Variants in CRIM1 observed in about 807,000 individuals in gnomAD.
The protein encoded by CRIM1 is cysteine-rich motor neuron 1 protein.
Under a neutral mutation model 116.4 loss-of-function variants are expected in CRIM1, and 32 were observed. The observed-to-expected ratio is 0.27, with a 90% CI of 0.21 to 0.37. The LOEUF is 0.37. Ranked by LOEUF, CRIM1 falls within the 10% of genes least tolerant of loss-of-function variation. CRIM1 has a pLI of 1.00. For synonymous variants in CRIM1, 590 were observed against 509.2 expected (o/e 1.16, Z -2.13); for missense variants, 1,331 against 1,354.8 (o/e 0.98, Z 0.28).
At chr2:36,395,215 A>G (rs983444448) in intron 1 of CRIM1, among the ~76,000 whole-genome samples, 2 of 152,070 alleles carry the variant, frequency 1.3e-5, no homozygotes, top group African/African-American at 4.8e-5. Context: ...GGGTTTCACC[A>G]TGTTGGCCAG....
intron 8 of CRIM1, among the ~76,000 whole-genome samples, chr2:36,502,825 A>T (rs1385987755): frequency 6.6e-6 from 1 of 152,214 alleles, no homozygotes; most frequent in East Asian, 1.9e-4. Flanking sequence ...TGGCTGAGTG[A>T]ATAAAAAGGA....
At position 36,356,588 on chromosome 2, in the gene CRIM1, A is replaced by T; in HGVS notation, c.296A>T (p.Asp99Val). 1 of 1,610,330 alleles carries T rather than the reference A, an allele frequency of 6.2e-7. No homozygotes were observed. The highest frequency in any genetic ancestry group is 2.2e-5 in the East Asian group (1 of 44,698). Residue 99 changes from aspartate to valine, a missense_variant, in exon 1 of 17, where the codon GAC (aspartate) becomes GTC (valine). By Grantham distance (152) the Asp-to-Val change is radical. Transcript: ENST00000280527. This position sits in a 1 kb window ranked among gnomAD's most constrained non-coding sequence, Gnocchi z 4.3. ...GTCATCCGCCCCCCGCTCAATGGCG[A>T]CTCCCTCACCGAGTACGAAGCGGGC... ...RCVIRPPLNG[D>V]SLTEYEAGVC... is the part of the protein sequence containing the mutation.
intron 2 of CRIM1, among the ~76,000 whole-genome samples, chr2:36,428,832 A>G (rs1282383514): frequency 3.9e-5 from 6 of 152,242 alleles, no homozygotes; most frequent in Non-Finnish European, 8.8e-5. Flanking sequence ...AGAAGTTTCT[A>G]ATTGTCCCCA....
intron 2 of CRIM1, among the ~76,000 whole-genome samples, chr2:36,432,071 T>C (rs1192899148): frequency 6.6e-6 from 1 of 152,214 alleles, no homozygotes; most frequent in Non-Finnish European, 1.5e-5. Flanking sequence ...TAAAGAGTCT[T>C]CTTAAAATGT....
intron 7 of CRIM1, among the ~76,000 whole-genome samples, chr2:36,496,291 A>C (rs529928177): frequency 6.6e-6 from 1 of 152,192 alleles, no homozygotes; most frequent in Non-Finnish European, 1.5e-5. Flanking sequence ...CACAATGACT[A>C]TTGTTGTGTT....
intron 4 of CRIM1, among the ~76,000 whole-genome samples, chr2:36,457,427 T>C (rs921121747): frequency 3.9e-5 from 6 of 152,198 alleles, no homozygotes; most frequent in African/African-American, 1.4e-4. Flanking sequence ...AGGTACAGTT[T>C]CTGCTCACTG....
intron 4 of CRIM1, among the ~76,000 whole-genome samples, chr2:36,461,579 C>T (rs772801663): frequency 2.0e-5 from 3 of 152,072 alleles, no homozygotes; most frequent in East Asian, 1.9e-4. Flanking sequence ...CTGTTCCCAT[C>T]GGTGAAAGGG....
intron 1 of CRIM1, among the ~76,000 whole-genome samples, chr2:36,357,009 C>G (rs1668872415): frequency 6.6e-6 from 1 of 152,206 alleles, no homozygotes; most frequent in African/African-American, 2.4e-5. Context: ...GGAGCCCGGC[C>G]CTACCGCCCT....
intron 1 of CRIM1, among the ~76,000 whole-genome samples, chr2:36,382,297 T>C (rs1281073593): frequency 2.6e-5 from 4 of 152,206 alleles, no homozygotes; most frequent in East Asian, 1.9e-4. Flanking sequence ...ATAGAAACTA[T>C]AGGCAGAGTC....
chr2:36,424,338 G>A (rs986853455), intron 2 of CRIM1, among the ~76,000 whole-genome samples: 1 of 152,114 alleles, frequency 6.6e-6, no homozygotes, highest in Non-Finnish European at 1.5e-5. Flanking sequence ...TTTGAGAGTG[G>A]GAACCATGTA....
chr2:36,517,658 G>A (rs544811974), intron 12 of CRIM1, 116 bp downstream of exon 12: 256 of 974,662 alleles, frequency 2.6e-4, no homozygotes, highest in Non-Finnish European at 3.5e-4. Context: ...GCCAAACCCA[G>A]TATCCCATCA....
chr2:36,391,186 G>C (rs889731711), intron 1 of CRIM1, among the ~76,000 whole-genome samples: 5 of 124,058 alleles, frequency 4.0e-5, no homozygotes, highest in African/African-American at 1.3e-4. Context: ...CTGGAGTGCA[G>C]TGACATGATC....
intron 2 of CRIM1, among the ~76,000 whole-genome samples, chr2:36,412,159 C>T (rs907481468): frequency 2.6e-5 from 4 of 152,034 alleles, no homozygotes; most frequent in Non-Finnish European, 5.9e-5. Flanking sequence ...GGTATGTCCA[C>T]TAGTAACTGT....
intron 8 of CRIM1, among the ~76,000 whole-genome samples, chr2:36,506,708 G>A (rs538712961): frequency 2.0e-5 from 3 of 151,944 alleles, no homozygotes; most frequent in African/African-American, 4.8e-5. Context: ...TTTAGATCAC[G>A]GTAAAGTCAT....
At chr2:36,445,882 C>T (rs1218201773) in intron 4 of CRIM1, among the ~76,000 whole-genome samples, 2 of 152,052 alleles carry the variant, frequency 1.3e-5, no homozygotes, top group Non-Finnish European at 1.5e-5. Context: ...AATGTCCACT[C>T]TTTAAGAGCA....
chr2:36,486,268 A>C (rs1265233526), intron 7 of CRIM1, among the ~76,000 whole-genome samples: 3 of 152,186 alleles, frequency 2.0e-5, no homozygotes, highest in Non-Finnish European at 4.4e-5. Context: ...ATAGTTAAAC[A>C]AGTGTAGAAA....
At chr2:36,424,484 A>G (rs1674303263) in intron 2 of CRIM1, among the ~76,000 whole-genome samples, 1 of 152,170 alleles carries the variant, frequency 6.6e-6, no homozygotes, top group African/African-American at 2.4e-5. Flanking sequence ...GGAGATGGAC[A>G]TATCTGATGA....
At chr2:36,541,426 C>T (rs573342841) in intron 14 of CRIM1, among the ~76,000 whole-genome samples, 26 of 152,276 alleles carry the variant, frequency 1.7e-4, no homozygotes, top group African/African-American at 6.3e-4. Context: ...GCACCTGTCT[C>T]TTTACAGAAG....
At chr2:36,363,682 ATACT>A (rs113807352) in intron 1 of CRIM1, among the ~76,000 whole-genome samples, 23,180 of 152,038 alleles carry the variant, frequency 0.15, 2,096 homozygotes, top group African/African-American at 0.24. Flanking sequence ...ATAATTAAAA[ATACT>A]TAATTTGGGG....
Sources: gnomAD v4.1 joint callset for allele counts (sites outside exome capture counted in the v4.1 genomes callset) on GRCh38, gnomAD v4.1.1 for gene constraint, Gnocchi (gnomAD v3.1) non-coding constraint, MANE v1.5 for transcripts, NCBI Gene and HGNC (gene_info 2026-07-23, HGNC 2026-07-21) for gene names.